SERPIND1: variants seen among roughly 807,000 people sequenced by gnomAD.
SERPIND1 encodes heparin cofactor 2.
A neutral mutation model predicts 35.0 loss-of-function variants in SERPIND1; 34 were observed. That is an observed-to-expected ratio of 0.97 (90% CI 0.74 to 1.29). SERPIND1 has a LOEUF of 1.29. Among genes scored for constraint, SERPIND1 ranks in the 50% most tolerant of loss-of-function variants. The pLI, the probability that SERPIND1 is intolerant of heterozygous loss-of-function variation, is 0.00. For synonymous variants in SERPIND1, 236 were observed against 241.1 expected (o/e 0.98, Z 0.19); for missense variants, 633 against 637.7 (o/e 0.99, Z 0.08).
At chr22:20,783,871 A>G in intron 2 of SERPIND1, 101 bp from the exon 3 acceptor site, 1 of 1,514,700 alleles carries the variant, frequency 6.6e-7, no homozygotes, top group Non-Finnish European at 9.2e-7. Flanking sequence ...TCTGCAGGCT[A>G]TCTGAATGAG....
At chr22:20,780,515 C>A (rs551011520) in intron 2 of SERPIND1, among the ~76,000 whole-genome samples, 3 of 152,178 alleles carry the variant, frequency 2.0e-5, no homozygotes, top group Non-Finnish European at 4.4e-5. Context: ...CGCCTGTAAT[C>A]CCAGCACTTT....
At position 20,779,416 on chromosome 22, in the gene SERPIND1, C is replaced by T. The variant is rs1414050192; in HGVS notation, c.104C>T (p.Ala35Val). ...CAGCTAGAGAAAGGAGGGGAAACTGCTCAGTCTGCAGATCCCCAGTGGGAG... is the reference window on the plus strand; with the variant it reads ...CAGCTAGAGAAAGGAGGGGAAACTGTTCAGTCTGCAGATCCCCAGTGGGAG... ...LDQLEKGGET[A>V]QSADPQWEQL... Residue 35 changes from alanine (A) to valine (V), a missense_variant, in exon 2 of 5, where the codon GCT (alanine) becomes GTT (valine). Coordinates refer to ENST00000215727, the MANE Select transcript of SERPIND1 (RefSeq NM_000185.4). 6.2e-7 allele frequency: 1 copy of T among 1,614,240 alleles called. No homozygotes were observed. Among genetic ancestry groups the T allele is most frequent in the South Asian group, 1.1e-5 (1 of 91,080 alleles).
At chr22:20,786,356 A>AG (rs963474060) in intron 4 of SERPIND1, among the ~76,000 whole-genome samples, 4 of 152,156 alleles carry the variant, frequency 2.6e-5, no homozygotes, top group African/African-American at 7.2e-5. Context: ...CTTACTGGGC[A>AG]GGGGGGATCC....
At chr22:20,786,702 G>A (rs1213193357) in intron 4 of SERPIND1, among the ~76,000 whole-genome samples, 173 bp from the exon 5 acceptor site, 3 of 152,130 alleles carry the variant, frequency 2.0e-5, no homozygotes, top group Non-Finnish European at 1.5e-5. Context: ...TAAGTGCAAC[G>A]GCTGCCCCTG....
At position 20,774,163 on chromosome 22, in the gene SERPIND1, T is replaced by C. The variant is rs1933056106; in HGVS notation, c.-17+18T>C. ...ACACAGAGGTAAGTTGGGTTTCTAA[T>C]GTTTCTGCTGATTATAAATTATTTT... is the stretch of plus-strand genomic sequence containing the variant. On this transcript the variant is annotated intron_variant, in intron 1 of 4. Transcript: ENST00000215727. 2 of 152,230 alleles carry C rather than the reference T, an allele frequency of 1.3e-5. No homozygotes were observed. The highest frequency in any genetic ancestry group is 2.4e-5 in the African/African-American group (1 of 41,474). 9.4% of individuals were successfully genotyped at this position (152,230 alleles called of 1,614,324 possible).
rs17853377 is a variant in SERPIND1 at position 20,784,208 on chromosome 22, C to G, written c.1126C>G (p.Arg376Gly). The change falls in exon 3 of 5, where the codon CGG becomes GGG. Residue 376 changes from arginine to glycine, a missense_variant. Coordinates refer to ENST00000215727, the MANE Select transcript of SERPIND1 (RefSeq NM_000185.4). ...MKTLEAQLTP[R>G]VVERWQKSMT... ...GACCCTCGAAGCGCAACTGACACCC[C>G]GGGTGGTGGAGAGATGGCAAAAAAG... 1 of 1,613,988 alleles carries G rather than the reference C, an allele frequency of 6.2e-7. No homozygotes were observed. Among genetic ancestry groups the G allele is most frequent in the Non-Finnish European group, 8.5e-7 (1 of 1,180,028 alleles).
chr22:20,779,629 C>G lies in SERPIND1; in HGVS notation c.317C>G (p.Ser106Cys), dbSNP rs373327821. The G allele has an allele frequency of 1.9e-6, 3 of 1,614,112 alleles. No individual in the cohort carries two copies. Among genetic ancestry groups the G allele is most frequent in the South Asian group, 1.1e-5 (1 of 91,090 alleles). Residue 106 changes from serine to cysteine, a missense_variant, in exon 2 of 5, where the codon TCT becomes TGT. By Grantham distance (112) the Ser-to-Cys change is moderately radical. Transcript: ENST00000215727. ...AGTCTGTCAGTTTCCCCGACAGACT[C>G]TGATGTGAGTGCTGGGAACATCCTC... ...VDSLSVSPTD[S>C]DVSAGNILQL...
chr22:20,780,314 G>A lies in SERPIND1; in HGVS notation c.889+113G>A. 5 of 1,515,150 alleles carry A rather than the reference G, an allele frequency of 3.3e-6. No homozygotes were observed. In the South Asian group the frequency reaches 3.4e-5, roughly 10 times the overall value. 93.9% of individuals were successfully genotyped at this position (1,515,150 alleles called of 1,614,324 possible). ...AGCTATAATTTATCCAGGAAAACTA[G>A]ACACAAGATTGACTCTGGAACGGGG... On this transcript the variant is annotated intron_variant, in intron 2 of 4. Coordinates refer to ENST00000215727, the MANE Select transcript of SERPIND1 (RefSeq NM_000185.4).
At chr22:20,778,591 G>C (rs188596872) in intron 1 of SERPIND1, among the ~76,000 whole-genome samples, 1 of 152,296 alleles carries the variant, frequency 6.6e-6, no homozygotes. Context: ...CAAATTTCAA[G>C]TATCTTTAGA....
At chr22:20,783,780 A>T (rs1408556538) in intron 2 of SERPIND1, among the ~76,000 whole-genome samples, 192 bp from the exon 3 acceptor site, 2 of 152,174 alleles carry the variant, frequency 1.3e-5, no homozygotes, top group East Asian at 3.9e-4. Context: ...AGTCCGGGTA[A>T]CCTCTCGTTA....
Position 20,783,943 on chromosome 22 carries a change from A to G in SERPIND1, c.890-29A>G, listed in dbSNP as rs543743216. On this transcript the variant is annotated intron_variant, in intron 2 of 4. Coordinates refer to ENST00000215727, the MANE Select transcript of SERPIND1 (RefSeq NM_000185.4). ...ACGATTTCCCTAAAGGAACCTTCTC[A>G]TAACAGCCTCTTCCTGTGGCCTTTA... 8.7e-6 allele frequency: 14 copies of G among 1,614,174 alleles called. 1 individual carries two copies. The South Asian group carries it at 1.3e-4, about 15-fold the overall frequency.
chr22:20,784,030 T>G lies in SERPIND1; in HGVS notation c.948T>G (p.Asn316Lys). The G allele has an allele frequency of 6.2e-7, 1 of 1,614,010 alleles. No individual in the cohort carries two copies. The highest frequency in any genetic ancestry group is 1.1e-5 in the South Asian group (1 of 91,078). ...EMTHNHNFRL[N>K]EREVVKVSMM... ...CACACAACCACAACTTCCGGCTGAA[T>G]GAGAGAGAGGTAGTTAAGGTTTCCA... The change falls in exon 3 of 5, where the codon AAT (asparagine) becomes AAG (lysine). Residue 316 changes from asparagine (N) to lysine (K), a missense_variant. Asn to Lys is a moderately conservative substitution (Grantham distance 94). Coordinates refer to ENST00000215727, the MANE Select transcript of SERPIND1 (RefSeq NM_000185.4).
chr22:20,779,203 T>C, intron 1 of SERPIND1, 94 bp from the exon 2 acceptor site: 1 of 1,598,302 alleles, frequency 6.3e-7, no homozygotes. Flanking sequence ...GGCCTCTTCC[T>C]GGGTCAAAGC....
In SERPIND1 at chr22:20,778,226, C is replaced by T. The variant is rs192122746; in HGVS notation, c.-16-1071C>T. On this transcript the variant is annotated intron_variant, in intron 1 of 4. Transcript: ENST00000215727. Reference sequence around the variant, plus strand: ...GCAAATTAAACAACCCCAGGTCAGGCGTGGTGGCTTATGCCTGTAATCCCA... The same window carrying T: ...GCAAATTAAACAACCCCAGGTCAGGTGTGGTGGCTTATGCCTGTAATCCCA... Among the ~76,000 whole-genome samples, 711 of 152,242 alleles carry T rather than the reference C, an allele frequency of 4.7e-3. 26 individuals carry two copies. Among genetic ancestry groups the T allele is most frequent in the Non-Finnish European group, 1.3e-3 (87 of 68,020 alleles).
In SERPIND1 at chr22:20,779,529, G is replaced by A. The variant is rs139053306; in HGVS notation, c.217G>A (p.Gly73Arg). The A allele has an allele frequency of 3.7e-6, 6 of 1,613,866 alleles. No homozygotes were observed. In the African/African-American group the frequency reaches 5.3e-5, roughly 14 times the overall value. Residue 73 changes from glycine to arginine, a missense_variant, in exon 2 of 5, where the codon GGG (glycine) becomes AGG (arginine). Transcript: ENST00000215727. ...CGTCACCAACGACTGGATTCCAGAGGGGGAGGAGGACGACGACTATCTGGA... is the reference window on the plus strand; with the variant it reads ...CGTCACCAACGACTGGATTCCAGAGAGGGAGGAGGACGACGACTATCTGGA... Reference protein sequence around the residue: ...NTVTNDWIPEGEEDDDYLDLE... With the variant: ...NTVTNDWIPEREEDDDYLDLE...
At chr22:20,786,376 C>T (rs950685521) in intron 4 of SERPIND1, among the ~76,000 whole-genome samples, 6 of 152,192 alleles carry the variant, frequency 3.9e-5, no homozygotes, top group African/African-American at 1.2e-4. Flanking sequence ...CCAAGAGCAG[C>T]CATGGGGTGA....
In SERPIND1 at chr22:20,787,536, C is replaced by T. The variant is rs1031249428; in HGVS notation, c.*470C>T. 5 of 233,546 alleles carry T rather than the reference C, an allele frequency of 2.1e-5. No homozygotes were observed. In the South Asian group the frequency reaches 2.5e-4, roughly 12 times the overall value. 14.5% of individuals were successfully genotyped at this position (233,546 alleles called of 1,614,324 possible). On this transcript the variant is annotated 3_prime_UTR_variant, in exon 5 of 5. Transcript: ENST00000215727. ...CCATTCTTGATGTCCAGGGAAGAAG[C>T]CACCTCAAGACATATGAGGGGTGCC...
At chr22:20,776,062 C>G (rs955069323) in intron 1 of SERPIND1, among the ~76,000 whole-genome samples, 2 of 152,164 alleles carry the variant, frequency 1.3e-5, no homozygotes, top group Non-Finnish European at 2.9e-5. Context: ...TAACTCATAC[C>G]TGTAATTCCA....
Position 20,785,635 on chromosome 22 carries a change from C to T in SERPIND1, c.1164-369C>T, listed in dbSNP as rs371102349. ...TTTTAAAAGTACACTACCAGATATT[C>T]GACTCCTTAATTACAAAAAAAAAAC... On this transcript the variant is annotated intron_variant, in intron 3 of 4. Transcript: ENST00000215727. 9.6e-4 allele frequency among the ~76,000 whole-genome samples: 146 copies of T among 152,086 alleles called. 3 individuals carry two copies. In the South Asian group the frequency reaches 0.024, roughly 25 times the overall value.
Sources: allele counts gnomAD v4.1 joint callset (sites outside exome capture counted in the v4.1 genomes callset), GRCh38; gene constraint gnomAD v4.1.1; transcripts MANE v1.5; gene names NCBI Gene and HGNC (gene_info 2026-07-23, HGNC 2026-07-21).